PINX1: variants seen among roughly 807,000 people sequenced by gnomAD.
PINX1 encodes PIN2 (TERF1) interacting telomerase inhibitor 1.
A neutral mutation model predicts 25.4 loss-of-function variants in PINX1; 34 were observed. That is an observed-to-expected ratio of 1.34 (90% CI 1.02 to 1.78). PINX1 has a LOEUF of 1.78. PINX1 is among the 40% of genes most tolerant of loss of function. PINX1 has a pLI of 0.00. For synonymous variants in PINX1, 197 were observed against 147.7 expected (o/e 1.33, Z -2.42); for missense variants, 592 against 404.9 (o/e 1.46, Z -3.97).
chr8:10,771,984 C>T (rs1265098387), intron 6 of PINX1, among the ~76,000 whole-genome samples: 12 of 152,172 alleles, frequency 7.9e-5, no homozygotes, highest in African/African-American at 2.4e-4. Context: ...CTCTGTCATT[C>T]CACATGTTAC....
At chr8:10,785,899 G>A (rs1033314969) in intron 6 of PINX1, among the ~76,000 whole-genome samples, 9 of 152,142 alleles carry the variant, frequency 5.9e-5, no homozygotes, top group Non-Finnish European at 1.2e-4. Context: ...CAAGTGTTTA[G>A]GTTTGTTACC....
chr8:10,769,599 T>C (rs1229139101), intron 6 of PINX1, among the ~76,000 whole-genome samples: 2 of 152,254 alleles, frequency 1.3e-5, no homozygotes, highest in Non-Finnish European at 2.9e-5. Flanking sequence ...AAGGCAGCTA[T>C]CACCACCGTG....
At chr8:10,827,448 A>T (rs540448430) in intron 4 of PINX1, among the ~76,000 whole-genome samples, 1 of 152,204 alleles carries the variant, frequency 6.6e-6, no homozygotes, top group Non-Finnish European at 1.5e-5. Context: ...GAGCAGGTTG[A>T]TCTGGGGTTA....
At chr8:10,832,866 C>G (rs1309380093) in intron 3 of PINX1, 26 bp downstream of exon 3, 8 of 1,418,734 alleles carry the variant, frequency 5.6e-6, no homozygotes, top group Non-Finnish European at 7.9e-6. Context: ...TGCAAAGACA[C>G]CCAGGAGGCA....
At chr8:10,835,821 A>G (rs1190538180) in intron 1 of PINX1, among the ~76,000 whole-genome samples, 6 of 152,226 alleles carry the variant, frequency 3.9e-5, no homozygotes. Flanking sequence ...AGGAAGGAGT[A>G]TAACTGAATT....
At chr8:10,828,998 A>G (rs1446051718) in intron 4 of PINX1, among the ~76,000 whole-genome samples, 1 of 152,178 alleles carries the variant, frequency 6.6e-6, no homozygotes, top group Non-Finnish European at 1.5e-5. Context: ...GTGATCTACT[A>G]ATCATGAGGG....
At chr8:10,803,504 T>C (rs957162931) in intron 6 of PINX1, among the ~76,000 whole-genome samples, 1 of 152,244 alleles carries the variant, frequency 6.6e-6, no homozygotes, top group African/African-American at 2.4e-5. Context: ...CATATTTTTT[T>C]CATTCCACTG....
chr8:10,777,657 C>A (rs1021609111), intron 6 of PINX1, among the ~76,000 whole-genome samples: 3 of 152,112 alleles, frequency 2.0e-5, no homozygotes, highest in Admixed American at 6.6e-5. Flanking sequence ...TTTGGTCCCC[C>A]CAAAATTGCC....
chr8:10,810,997 T>G (rs1292715683), intron 6 of PINX1, among the ~76,000 whole-genome samples: 8 of 152,188 alleles, frequency 5.3e-5, no homozygotes, highest in Non-Finnish European at 1.2e-4. Flanking sequence ...TTCCTATAAG[T>G]TATTATTGGC....
At chr8:10,827,425 G>C (rs985078992) in intron 4 of PINX1, among the ~76,000 whole-genome samples, 4 of 152,260 alleles carry the variant, frequency 2.6e-5, no homozygotes, top group East Asian at 3.9e-4. Flanking sequence ...GTCCTTGCCT[G>C]AAAGGTTGAT....
chr8:10,819,910 A>G (rs1797813547), intron 6 of PINX1, among the ~76,000 whole-genome samples: 1 of 152,196 alleles, frequency 6.6e-6, no homozygotes, highest in Non-Finnish European at 1.5e-5. Flanking sequence ...TGTATCGGCA[A>G]TGGGTGTTCT....
chr8:10,765,379 G>A lies in PINX1; in HGVS notation c.*22C>T. On this transcript the variant is annotated 3_prime_UTR_variant, in exon 7 of 7. Coordinates refer to ENST00000314787, the MANE Select transcript of PINX1 (RefSeq NM_017884.6). ...CAGTGCCCTGACAGCTGAGTGGTCG[G>A]AAGGCCCCGGCTGGGAAGGATTCAT... The A allele has an allele frequency of 3.8e-6, 6 of 1,563,920 alleles. No individual in the cohort carries two copies.
chr8:10,781,283 G>A (rs934808211), intron 6 of PINX1, among the ~76,000 whole-genome samples: 2 of 152,142 alleles, frequency 1.3e-5, no homozygotes, highest in Non-Finnish European at 2.9e-5. Flanking sequence ...CCTTGACACT[G>A]CTTTTGGCAA....
intron 6 of PINX1, among the ~76,000 whole-genome samples, chr8:10,779,757 A>C (rs1459817043): frequency 6.6e-6 from 1 of 152,242 alleles, no homozygotes; most frequent in Admixed American, 6.5e-5. Flanking sequence ...ATATGACTAT[A>C]AACTCAGGAT....
rs112970718 is a variant in PINX1, at chr8:10,795,635, G to A, written c.471+24558C>T. Reference sequence around the variant, plus strand: ...AGGCTGGTCTCGAACTCTTGACCTCGTGATCCACCTGCCTCAGCCCAATAA... The same window carrying A: ...AGGCTGGTCTCGAACTCTTGACCTCATGATCCACCTGCCTCAGCCCAATAA... On this transcript the variant is annotated intron_variant, in intron 6 of 6. Transcript: ENST00000314787. Among the ~76,000 whole-genome samples the A allele has an allele frequency of 8.4e-3, 1,275 of 152,216 alleles. 10 individuals are homozygous for A. The highest frequency in any genetic ancestry group is 0.029 in the African/African-American group (1,208 of 41,536).
rs983497592 is a variant in PINX1 at position 10,806,169 on chromosome 8, G to T, written c.471+14024C>A. ...CGGAGCACAGGAAGGGGCCACACTA[G>T]TGCTGAGGGGGTGACGGAGCACAGG... On this transcript the variant is annotated intron_variant, in intron 6 of 6. Transcript: ENST00000314787. 2.6e-4 allele frequency among the ~76,000 whole-genome samples: 39 copies of T among 150,378 alleles called. 1 individual carries two copies. Among genetic ancestry groups the T allele is most frequent in the African/African-American group, 9.4e-4 (38 of 40,640 alleles).
chr8:10,820,093 T>G lies in PINX1; in HGVS notation c.471+100A>C, dbSNP rs557739499. On this transcript the variant is annotated intron_variant, in intron 6 of 6. Transcript: ENST00000314787. Reference sequence around the variant, plus strand: ...AAGCCTCCAAAGTGTTTTGGAAAGTTTGTCAGAAAAGTACTAGTCATAGAT... The same window carrying G: ...AAGCCTCCAAAGTGTTTTGGAAAGTGTGTCAGAAAAGTACTAGTCATAGAT... 168 of 783,518 alleles carry G rather than the reference T, an allele frequency of 2.1e-4. 1 individual carries two copies. In the African/African-American group the frequency reaches 2.6e-3, roughly 12 times the overall value. 48.5% of individuals were successfully genotyped at this position (783,518 alleles called of 1,614,324 possible). A position where few individuals can be genotyped will look rare whatever the true frequency, so the allele number is the denominator to read the frequency against.
At chr8:10,833,440 G>A (rs1798287461) in intron 2 of PINX1, 2 of 157,176 alleles carry the variant, frequency 1.3e-5, no homozygotes, top group Admixed American at 1.3e-4. Flanking sequence ...CAGCAAATGG[G>A]CCAGAGGAGA....
At chr8:10,797,704 T>G (rs1802130847) in intron 6 of PINX1, among the ~76,000 whole-genome samples, 2 of 152,204 alleles carry the variant, frequency 1.3e-5, no homozygotes, top group South Asian at 4.1e-4. Flanking sequence ...AAAAGATGCC[T>G]CAAACCACCT....
Sources: gnomAD v4.1 joint callset for allele counts (sites outside exome capture counted in the v4.1 genomes callset) on GRCh38, gnomAD v4.1.1 for gene constraint, MANE v1.5 for transcripts, NCBI Gene and HGNC (gene_info 2026-07-23, HGNC 2026-07-21) for gene names.